The following KDM8 variants were observed in gnomAD, a reference collection of about 807,000 sequenced individuals.
KDM8 encodes the protein lysine demethylase 8, also known as bifunctional peptidase and arginyl-hydroxylase JMJD5.
In KDM8, 35 loss-of-function variants were observed where a neutral mutation model predicts 46.9. The observed-to-expected ratio is 0.75, with a 90% CI of 0.57 to 0.99. KDM8 has a LOEUF of 0.99. KDM8 is among the 50% of genes least tolerant of loss of function. The probability of loss-of-function intolerance (pLI) is 0.00; values close to 1 mark genes in which losing one functional copy is unlikely to be tolerated. For missense variants in KDM8, 475 were observed against 537.0 expected, an observed-to-expected ratio of 0.88 and a Z score of 1.14; for synonymous variants, 232 against 227.7, an observed-to-expected ratio of 1.02 and a Z score of -0.17.
rs1433574900 is a variant in KDM8, at chr16:27,210,093, GC to G, written c.-30del. On this transcript the variant is annotated splice_region_variant and 5_prime_UTR_variant, in exon 2 of 8. Transcript: ENST00000286096. ...CTCTTGTTTCTCTCCACCTCCCCAG[GC>G]ACGGGACTGAACCAGCTGGTGGTGG... 17 of 1,596,824 alleles carry G rather than the reference GC, an allele frequency of 1.1e-5. No individual in the cohort carries two copies. Among genetic ancestry groups the G allele is most frequent in the Non-Finnish European group, 1.5e-5 (17 of 1,171,236 alleles).
rs529243320 is a variant in KDM8 at position 27,217,739 on chromosome 16, G to A, written c.844-1222G>A. 2.8e-3 allele frequency among the ~76,000 whole-genome samples: 419 copies of A among 152,342 alleles called. 1 individual carries two copies. Among genetic ancestry groups the A allele is most frequent in the Admixed American group, 4.6e-3 (70 of 15,312 alleles). On this transcript the variant is annotated intron_variant, in intron 5 of 7. Transcript: ENST00000286096. ...TCACTGCTCCCGAAGGAATGGTAGT[G>A]TCCACCTGCAGGTGCCTTCAGGCTG...
chr16:27,218,433 A>AT (rs1331422225), intron 5 of KDM8, among the ~76,000 whole-genome samples: 1 of 152,140 alleles, frequency 6.6e-6, no homozygotes, highest in Non-Finnish European at 1.5e-5. Flanking sequence ...TAAAGCTCAG[A>AT]GCACAGACCC....
intron 1 of KDM8, among the ~76,000 whole-genome samples, chr16:27,209,169 G>A (rs1345695988): frequency 6.6e-6 from 1 of 152,252 alleles, no homozygotes; most frequent in African/African-American, 2.4e-5. Flanking sequence ...AGATCAGCCA[G>A]AATTTAAGCC....
intron 1 of KDM8, among the ~76,000 whole-genome samples, chr16:27,207,437 A>G (rs926439364): frequency 1.3e-4 from 20 of 152,216 alleles, no homozygotes; most frequent in African/African-American, 4.3e-4. Flanking sequence ...ACTGCTTCCT[A>G]TACCAGGATG....
rs1328173646 is a variant in KDM8 at position 27,209,959 on chromosome 16, C to T, written c.-31-134C>T. ...GACCCCAGACAGATGAGGGCCCTCC[C>T]CTCCAGAGCTTCTGCCCAACAGAGA... On this transcript the variant is annotated intron_variant, in intron 1 of 7. Coordinates refer to ENST00000286096, the MANE Select transcript of KDM8 (RefSeq NM_024773.3). The T allele has an allele frequency of 4.4e-6, 4 of 910,486 alleles. No individual in the cohort carries two copies. The East Asian group carries it at 9.8e-5, about 22-fold the overall frequency. The allele number at this position is 910,486 out of a possible 1,614,324, so 56.4% of individuals were successfully genotyped here.
chr16:27,218,212 G>A (rs1167854358), intron 5 of KDM8, among the ~76,000 whole-genome samples: 1 of 151,938 alleles, frequency 6.6e-6, no homozygotes, highest in East Asian at 1.9e-4. Context: ...AGCTCTGCAG[G>A]TTGAGGCTAC....
chr16:27,204,117 G>T lies in KDM8; in HGVS notation c.-32+481G>T, dbSNP rs569547646. The T allele has an allele frequency of 1.4e-5, 22 of 1,545,912 alleles. No homozygotes were observed. The East Asian group carries it at 4.5e-4, about 32-fold the overall frequency. ...TATGAGCCGCGAGAAATGCAGCCCC[G>T]GGGAAGGCGCTGAGGAGGGAAGGGG... On this transcript the variant is annotated intron_variant, in intron 1 of 7. Coordinates refer to ENST00000286096, the MANE Select transcript of KDM8 (RefSeq NM_024773.3).
Position 27,213,733 on chromosome 16 carries a change from C to G in KDM8, c.647C>G (p.Pro216Arg). 6.2e-7 allele frequency: 1 copy of G among 1,614,110 alleles called. No individual in the cohort carries two copies. Among genetic ancestry groups the G allele is most frequent in the South Asian group, 1.1e-5 (1 of 91,080 alleles). Residue 216 changes from proline (P) to arginine (R), a missense_variant, in exon 3 of 8, where the codon CCG becomes CGG. Physicochemically the swap from Pro to Arg is moderately radical, Grantham distance 103. Transcript: ENST00000286096. ...VILKGVADHW[P>R]CMQKWSLEYI... ...CTGAAAGGCGTGGCTGACCACTGGC[C>G]GTGCATGCAGAAGTGGAGGTGGGTG...
chr16:27,216,507 T>C (rs367982920), intron 5 of KDM8, among the ~76,000 whole-genome samples: 1 of 152,098 alleles, frequency 6.6e-6, no homozygotes. Flanking sequence ...CAGGTGCGTG[T>C]CCCGAACGTG....
At chr16:27,206,272 CTTTTT>C in intron 1 of KDM8, 2 of 765,916 alleles carry the variant, frequency 2.6e-6, no homozygotes, top group Non-Finnish European at 3.1e-6. Context: ...TGTGCGTGTG[CTTTTT>C]TTTTTTTTCG....
intron 1 of KDM8, chr16:27,204,260 G>T: frequency 7.1e-7 from 1 of 1,406,098 alleles, no homozygotes; most frequent in Non-Finnish European, 9.3e-7. Flanking sequence ...GATGGGCATC[G>T]GTGCGTTTCC....
Position 27,215,921 on chromosome 16 carries a change from C to T in KDM8, c.799-24C>T, listed in dbSNP as rs773361401. On this transcript the variant is annotated intron_variant, in intron 4 of 7. Coordinates refer to ENST00000286096, the MANE Select transcript of KDM8 (RefSeq NM_024773.3). ...TGACTAACTGGGCTTTCTGTGTTGC[C>T]TCTGGTTTTCCCCGGTGGATTAGCC... 9.2e-5 allele frequency: 148 copies of T among 1,613,882 alleles called. 2 individuals carry two copies. The Admixed American group carries it at 2.4e-3, about 27-fold the overall frequency.
chr16:27,206,162 C>T, intron 1 of KDM8: 1 of 939,610 alleles, frequency 1.1e-6, no homozygotes, highest in South Asian at 4.9e-5. Context: ...TCAAAGACTG[C>T]TTCACACATC....
At position 27,218,955 on chromosome 16, in the gene KDM8, C is replaced by A. The variant is rs772411726; in HGVS notation, c.844-6C>A. On this transcript the variant is annotated splice_region_variant and splice_polypyrimidine_tract_variant and intron_variant, in intron 5 of 7. Transcript: ENST00000286096. ...CCACATCTCATGTCTGCTCTGCCGC[C>A]CACAGATCCCGGAGTTGAAGCAGGA... 2 of 1,614,048 alleles carry A rather than the reference C, an allele frequency of 1.2e-6. No homozygotes were observed. The highest frequency in any genetic ancestry group is 1.7e-6 in the Non-Finnish European group (2 of 1,179,952).
At chr16:27,216,401 T>G (rs1420433411) in intron 5 of KDM8, among the ~76,000 whole-genome samples, 1 of 151,842 alleles carries the variant, frequency 6.6e-6, no homozygotes, top group Admixed American at 6.6e-5. Flanking sequence ...AAACACTAAA[T>G]AGATGGAGCT....
intron 5 of KDM8, 21 bp from the exon 6 acceptor site, chr16:27,218,940 T>C (rs75521851): frequency 0.099 from 159,732 of 1,613,608 alleles, 8,392 homozygotes; most frequent in Middle Eastern, 0.15. Context: ...CCACATCTCA[T>C]GTCTGCTCTG....
In KDM8 at chr16:27,216,318, C is replaced by T. The variant is rs535969596; in HGVS notation, c.843+329C>T. Among the ~76,000 whole-genome samples, 433 of 152,008 alleles carry T rather than the reference C, an allele frequency of 2.8e-3. 4 individuals carry two copies. The highest frequency in any genetic ancestry group is 0.01 in the African/African-American group (418 of 41,470). ...GCAGTTCAAGACCGGTGTGAACCAC[C>T]GAGCCCTGGACGTGGGTGGATGTGT... On this transcript the variant is annotated intron_variant, in intron 5 of 7. Coordinates refer to ENST00000286096, the MANE Select transcript of KDM8 (RefSeq NM_024773.3).
chr16:27,218,835 A>C (rs1262907544), intron 5 of KDM8, 126 bp from the exon 6 acceptor site: 3 of 1,114,128 alleles, frequency 2.7e-6, no homozygotes, highest in East Asian at 5.0e-5. Flanking sequence ...AAACAGAGCC[A>C]GACCCTGTCT....
chr16:27,221,083 G>A lies in KDM8; in HGVS notation c.*353G>A, dbSNP rs1292341098. Reference sequence around the variant, plus strand: ...GGGGTGAAACATGGGCTCTGAGGTTGGCTACCTGATTCAAACCCGGCCGCG... The same window carrying A: ...GGGGTGAAACATGGGCTCTGAGGTTAGCTACCTGATTCAAACCCGGCCGCG... On this transcript the variant is annotated 3_prime_UTR_variant, in exon 8 of 8. Transcript: ENST00000286096. 2.7e-6 allele frequency: 1 copy of A among 373,968 alleles called. No individual in the cohort carries two copies. The highest frequency in any genetic ancestry group is 5.2e-6 in the Non-Finnish European group (1 of 192,992). 23.2% of individuals were successfully genotyped at this position (373,968 alleles called of 1,614,324 possible).
Sources: allele counts gnomAD v4.1 joint callset (sites outside exome capture counted in the v4.1 genomes callset), GRCh38; gene constraint gnomAD v4.1.1; transcripts MANE v1.5; gene names NCBI Gene and HGNC (gene_info 2026-07-23, HGNC 2026-07-21).